The following HECW1 variants were observed in gnomAD, a reference collection of about 807,000 sequenced individuals.
HECW1 encodes the protein HECT, C2 and WW domain containing E3 ubiquitin protein ligase 1, also known as E3 ubiquitin-protein ligase HECW1.
A neutral mutation model predicts 182.3 loss-of-function variants in HECW1; 61 were observed. The ratio of observed to expected loss-of-function variants is 0.33; its 90% CI spans 0.27 to 0.41. The LOEUF (loss-of-function observed/expected upper bound fraction) is 0.41, where lower values mean the gene tolerates loss of function less well. HECW1 is among the 10% of genes least tolerant of loss of function. HECW1 has a pLI of 1.00. For synonymous variants in HECW1, 859 were observed against 832.6 expected (o/e 1.03, Z -0.55); for missense variants, 1,739 against 2,108.9 (o/e 0.82, Z 3.44).
intron 11 of HECW1, among the ~76,000 whole-genome samples, chr7:43,449,350 G>A (rs1385519723): frequency 6.6e-6 from 1 of 152,156 alleles, no homozygotes; most frequent in African/African-American, 2.4e-5. Context: ...CATCTCCAAG[G>A]ACCCAGAGGA....
At chr7:43,208,106 C>T (rs749345284) in intron 2 of HECW1, among the ~76,000 whole-genome samples, 3 of 152,178 alleles carry the variant, frequency 2.0e-5, no homozygotes, top group Non-Finnish European at 4.4e-5. Context: ...CTCCTGTTAA[C>T]AGATAATGGA....
chr7:43,494,012 A>T (rs953808330), intron 19 of HECW1, among the ~76,000 whole-genome samples: 2 of 152,164 alleles, frequency 1.3e-5, no homozygotes, highest in African/African-American at 4.8e-5. Context: ...TTCCCTGCCC[A>T]TGTGGTGCAG....
intron 19 of HECW1, among the ~76,000 whole-genome samples, chr7:43,497,567 G>T (rs2079167815): frequency 6.6e-6 from 1 of 152,134 alleles, no homozygotes; most frequent in African/African-American, 2.4e-5. Flanking sequence ...GCAGCTCTGT[G>T]GGGAAAAGAT....
At chr7:43,214,266 T>A (rs1012073043) in intron 2 of HECW1, among the ~76,000 whole-genome samples, 2 of 151,998 alleles carry the variant, frequency 1.3e-5, no homozygotes, top group Non-Finnish European at 2.9e-5. Flanking sequence ...ATAAAGCAAA[T>A]AAACAATATT....
chr7:43,348,955 C>T (rs372361915), intron 5 of HECW1, among the ~76,000 whole-genome samples: 2 of 152,210 alleles, frequency 1.3e-5, no homozygotes, highest in African/African-American at 4.8e-5. Flanking sequence ...GAGAAAGTTC[C>T]ATGCACTGTT....
At chr7:43,456,495 G>A in intron 13 of HECW1, 48 bp downstream of exon 13, 2 of 1,565,970 alleles carry the variant, frequency 1.3e-6, no homozygotes, top group African/African-American at 1.4e-5. Context: ...AGTGAAAGGA[G>A]AATGGCAGCT....
chr7:43,445,277 G>T lies in HECW1; in HGVS notation c.2105G>T (p.Cys702Phe), dbSNP rs771073751. 1.6e-5 allele frequency: 25 copies of T among 1,612,752 alleles called. No homozygotes were observed. The highest frequency in any genetic ancestry group is 1.7e-6 in the Non-Finnish European group (2 of 1,179,210). The change falls in exon 11 of 30, where the codon TGC (cysteine) becomes TTC (phenylalanine). Residue 702 changes from cysteine to phenylalanine, a missense_variant. Cys to Phe is a radical substitution (Grantham distance 205, BLOSUM62 -2). Around this residue, in one of 5 missense-constraint regions of HECW1, gnomAD observed 971 missense variants for 1,029.1 expected, o/e 0.94. Coordinates refer to ENST00000395891, the MANE Select transcript of HECW1 (RefSeq NM_015052.5). ...CYSSSCYSAS[C>F]YSPSCYNGNR... ...AGCAGCTCGTGCTACAGCGCCTCGT[G>T]CTACAGCCCCTCCTGCTACAACGGC... is the stretch of plus-strand genomic sequence containing the variant.
At chr7:43,354,392 ACT>A (rs1814844166) in intron 5 of HECW1, among the ~76,000 whole-genome samples, 1 of 152,176 alleles carries the variant, frequency 6.6e-6, no homozygotes, top group East Asian at 1.9e-4. Flanking sequence ...TTTTAAACAA[ACT>A]CAGCGATCTC....
chr7:43,416,120 T>C (rs1018212581), intron 8 of HECW1, among the ~76,000 whole-genome samples: 18 of 151,666 alleles, frequency 1.2e-4, no homozygotes, highest in South Asian at 4.2e-4. Flanking sequence ...TTTTAGAGTT[T>C]CCAGTTTTTC....
Position 43,508,130 on chromosome 7 carries a change from G to A in HECW1, c.3865G>A (p.Gly1289Ser). 6.2e-7 allele frequency: 1 copy of A among 1,609,818 alleles called. No individual in the cohort carries two copies. The highest frequency in any genetic ancestry group is 8.5e-7 in the Non-Finnish European group (1 of 1,176,200). Residue 1289 changes from glycine (G) to serine (S), a missense_variant and splice_region_variant, in exon 23 of 30, where the codon GGC (glycine) becomes AGC (serine). Gly to Ser is a moderately conservative substitution (Grantham distance 56). Transcript: ENST00000395891. ...CTACGTCACCTTTGTTGGAGAGGAG[G>A]GGTGAGGCACCAGGAGTTTTATGCA... The part of the protein sequence containing the change: ...KLYVTFVGEE[G>S]LDYSGPSREF...
At chr7:43,286,318 A>G (rs1472480951) in intron 3 of HECW1, among the ~76,000 whole-genome samples, 8 of 152,178 alleles carry the variant, frequency 5.3e-5, no homozygotes, top group Non-Finnish European at 1.5e-5. Context: ...TAATGCCATC[A>G]AGACTGCCCA....
intron 24 of HECW1, among the ~76,000 whole-genome samples, chr7:43,531,098 G>C (rs143815180): frequency 7.9e-5 from 12 of 152,304 alleles, no homozygotes; most frequent in African/African-American, 2.4e-4. Context: ...ATTGCACGCT[G>C]TTCTAAACAC....
chr7:43,149,640 A>G (rs1789085021), intron 2 of HECW1, among the ~76,000 whole-genome samples: 1 of 152,226 alleles, frequency 6.6e-6, no homozygotes, highest in Admixed American at 6.5e-5. Flanking sequence ...TTAACTTAAG[A>G]GGATGCTTGG....
chr7:43,422,687 A>T (rs2076225152), intron 8 of HECW1, among the ~76,000 whole-genome samples: 1 of 152,110 alleles, frequency 6.6e-6, no homozygotes, highest in South Asian at 2.1e-4. Context: ...ATACTTCTTG[A>T]TGCCGAGTGC....
rs183701984 is a variant in HECW1, at chr7:43,178,616, C to T, written c.-32+64225C>T. Among the ~76,000 whole-genome samples, 15 of 152,286 alleles carry T rather than the reference C, an allele frequency of 9.8e-5. No individual in the cohort carries two copies. The East Asian group carries it at 2.3e-3, about 24-fold the overall frequency. On this transcript the variant is annotated intron_variant, in intron 2 of 29. Transcript: ENST00000395891. ...ATTAGGCACTGGTCACTGTGCAGAG[C>T]GCTGCCTCCTCACACTCGCCCCTTG...
intron 24 of HECW1, among the ~76,000 whole-genome samples, chr7:43,533,683 C>T (rs1696888638): frequency 6.6e-6 from 1 of 152,140 alleles, no homozygotes; most frequent in African/African-American, 2.4e-5. Flanking sequence ...ACCTCAGTGT[C>T]CTGCCACATG....
At chr7:43,194,288 A>T (rs1794217693) in intron 2 of HECW1, 1 of 152,188 alleles carries the variant, frequency 6.6e-6, no homozygotes, top group Non-Finnish European at 1.5e-5. Flanking sequence ...TCAGCATTTA[A>T]TCACTAAAAC....
At chr7:43,141,599 A>G (rs920162752) in intron 2 of HECW1, among the ~76,000 whole-genome samples, 2 of 152,046 alleles carry the variant, frequency 1.3e-5, no homozygotes, top group Non-Finnish European at 2.9e-5. Flanking sequence ...CCTGGGTTCA[A>G]GCAGTTCTCC....
chr7:43,371,982 G>A (rs138362293), intron 6 of HECW1, among the ~76,000 whole-genome samples: 8 of 152,060 alleles, frequency 5.3e-5, no homozygotes, highest in East Asian at 1.9e-4. Context: ...ACCACGCCCC[G>A]CTAATTTTTT....
Sources: gnomAD v4.1 joint callset for allele counts (sites outside exome capture counted in the v4.1 genomes callset) on GRCh38, gnomAD v4.1.1 for gene constraint, gnomAD v4.1.1 regional missense constraint, MANE v1.5 for transcripts, NCBI Gene and HGNC (gene_info 2026-07-23, HGNC 2026-07-21) for gene names.